ZSCAN5A: variants seen among roughly 807,000 people sequenced by gnomAD.
ZSCAN5A encodes the protein zinc finger and SCAN domain-containing protein 5A.
Under a neutral mutation model 23.7 loss-of-function variants are expected in ZSCAN5A, and 12 were observed. That is an observed-to-expected ratio of 0.51 (90% CI 0.32 to 0.82). The LOEUF (loss-of-function observed/expected upper bound fraction) is 0.82. ZSCAN5A is among the 40% of genes least tolerant of loss of function. The pLI is 0.03. For missense variants in ZSCAN5A, 597 were observed against 617.9 expected, an observed-to-expected ratio of 0.97 and a Z score of 0.36; for synonymous variants, 257 against 239.9, an observed-to-expected ratio of 1.07 and a Z score of -0.66.
At chr19:56,288,747 C>T (rs990440982) in intron 2 of ZSCAN5A, among the ~76,000 whole-genome samples, 5 of 152,174 alleles carry the variant, frequency 3.3e-5, no homozygotes, top group African/African-American at 1.2e-4. Context: ...GCATTTCCAC[C>T]TCTGCTCTCC....
chr19:56,296,589 G>A (rs2039892581), intron 2 of ZSCAN5A, among the ~76,000 whole-genome samples: 1 of 152,066 alleles, frequency 6.6e-6, no homozygotes, highest in South Asian at 2.1e-4. Context: ...AGATGCAGCA[G>A]AGGATAAAAC....
intron 1 of ZSCAN5A, among the ~76,000 whole-genome samples, chr19:56,314,062 T>G (rs768183299): frequency 1.2e-4 from 18 of 152,226 alleles, no homozygotes; most frequent in Non-Finnish European, 1.9e-4. Flanking sequence ...TGAGGGAAGA[T>G]CCTCAATATC....
At chr19:56,328,974 G>A (rs545265383) in intron 2 of ZSCAN5A, among the ~76,000 whole-genome samples, 73 of 143,404 alleles carry the variant, frequency 5.1e-4, no homozygotes, top group African/African-American at 1.8e-3. Context: ...CAGCCTGGGC[G>A]ACAGAGCGAG....
At position 56,302,709 on chromosome 19, in the gene ZSCAN5A, T is replaced by TCC. The variant is rs1361282712; in HGVS notation, c.-128+10573_-128+10574insGG. ...CTTCTCTCTCCTTCCTTCTCTTTCC[T>TCC]TCTTCCCTCCCTCCCACCTCTAGAC... On this transcript the variant is annotated intron_variant, in intron 2 of 5. Coordinates refer to ENST00000683990, the MANE Select transcript of ZSCAN5A (RefSeq NM_001322064.3). The TCC allele has an allele frequency of 8.1e-5, 17 of 210,730 alleles. 1 individual carries two copies. Among genetic ancestry groups the TCC allele is most frequent in the African/African-American group, 2.8e-4 (11 of 39,304 alleles). The allele number at this position is 210,730 out of a possible 1,614,324, so 13.1% of individuals were successfully genotyped here.
chr19:56,284,463 CAG>C (rs1358980353), intron 2 of ZSCAN5A, among the ~76,000 whole-genome samples: 20 of 131,966 alleles, frequency 1.5e-4, no homozygotes, highest in Admixed American at 1.4e-3. Context: ...TGGTGGGAAA[CAG>C]AGATAAGTAA....
intron 2 of ZSCAN5A, among the ~76,000 whole-genome samples, chr19:56,339,997 A>G (rs993729715): frequency 6.6e-6 from 1 of 152,120 alleles, no homozygotes; most frequent in Non-Finnish European, 1.5e-5. Context: ...GTCTGATACT[A>G]CTGTCTTGGG....
chr19:56,321,909 G>T, intron 2 of ZSCAN5A: 1 of 783,734 alleles, frequency 1.3e-6, no homozygotes, highest in Middle Eastern at 2.2e-4. Flanking sequence ...GTTACCATCC[G>T]GTACTGCTCA....
At chr19:56,240,556 T>C (rs2035352832) in intron 2 of ZSCAN5A, among the ~76,000 whole-genome samples, 1 of 152,140 alleles carries the variant, frequency 6.6e-6, no homozygotes, top group African/African-American at 2.4e-5. Flanking sequence ...CCAGAGGCCA[T>C]GTCTGTGGGG....
chr19:56,327,901 G>A (rs567905369), intron 2 of ZSCAN5A, among the ~76,000 whole-genome samples: 2 of 152,120 alleles, frequency 1.3e-5, no homozygotes, highest in Admixed American at 1.3e-4. Flanking sequence ...AAATGAATAT[G>A]TGTAGTATAG....
intron 2 of ZSCAN5A, among the ~76,000 whole-genome samples, chr19:56,330,767 T>A (rs947113968): frequency 6.6e-6 from 1 of 152,198 alleles, no homozygotes; most frequent in Non-Finnish European, 1.5e-5. Flanking sequence ...TTTTCTCCCA[T>A]TCTATAGGTG....
At chr19:56,262,805 T>C (rs927840628) in intron 2 of ZSCAN5A, among the ~76,000 whole-genome samples, 1 of 152,248 alleles carries the variant, frequency 6.6e-6, no homozygotes, top group African/African-American at 2.4e-5. Flanking sequence ...ATCCTTTTTA[T>C]TGCTGTGCAA....
chr19:56,348,348 G>A (rs780676667), intron 2 of ZSCAN5A, among the ~76,000 whole-genome samples: 2 of 149,280 alleles, frequency 1.3e-5, no homozygotes, highest in Non-Finnish European at 2.9e-5. Context: ...GTTGACACAC[G>A]CTTGCAAGCC....
chr19:56,281,683 C>G (rs2038717123), intron 2 of ZSCAN5A: 4 of 985,180 alleles, frequency 4.1e-6, no homozygotes, highest in Non-Finnish European at 3.6e-6. Flanking sequence ...GGCTCTGCTG[C>G]CCCTTCCAGT....
At chr19:56,312,132 T>C (rs750903364) in intron 2 of ZSCAN5A, 1 of 152,222 alleles carries the variant, frequency 6.6e-6, no homozygotes, top group Non-Finnish European at 1.5e-5. Context: ...ATATCCTTCA[T>C]TTTGTATGAA....
rs1367292904 is a variant in ZSCAN5A, at chr19:56,258,112, C to CG, written c.-127-32940_-127-32939insC. On this transcript the variant is annotated intron_variant, in intron 2 of 5. Coordinates refer to ENST00000683990, the MANE Select transcript of ZSCAN5A (RefSeq NM_001322064.3). ...CTGGCTCCTGCCTCCTACCACTGCC[C>CG]ATCTTCTTAGACACAGGTGCTGGGG... Among the ~76,000 whole-genome samples, 4 of 148,908 alleles carry CG rather than the reference C, an allele frequency of 2.7e-5. No homozygotes were observed. In the East Asian group the frequency reaches 7.9e-4, roughly 29 times the overall value.
intron 2 of ZSCAN5A, among the ~76,000 whole-genome samples, chr19:56,301,701 A>G (rs915104599): frequency 2.0e-5 from 3 of 152,112 alleles, no homozygotes; most frequent in Non-Finnish European, 4.4e-5. Context: ...GTTTGGTGAG[A>G]AATCTGGGCA....
At chr19:56,246,987 A>G (rs762725831) in intron 2 of ZSCAN5A, 1 of 1,350,688 alleles carries the variant, frequency 7.4e-7, no homozygotes, top group Admixed American at 1.7e-5. Flanking sequence ...AGATAAATTC[A>G]GTTTATTCCC....
chr19:56,324,203 A>T (rs763473829), intron 2 of ZSCAN5A, among the ~76,000 whole-genome samples: 22 of 152,188 alleles, frequency 1.4e-4, no homozygotes, highest in Non-Finnish European at 2.8e-4. Flanking sequence ...TAGCTCCCAC[A>T]TATGAGTGAG....
chr19:56,319,582 A>T (rs1270806211), upstream of ZSCAN5A, among the ~76,000 whole-genome samples: 1 of 151,588 alleles, frequency 6.6e-6, no homozygotes, highest in Non-Finnish European at 1.5e-5. Context: ...GTTCATTTCC[A>T]AACGAGTCTC....
Sources: allele counts gnomAD v4.1 joint callset (sites outside exome capture counted in the v4.1 genomes callset), GRCh38; gene constraint gnomAD v4.1.1; transcripts MANE v1.5; gene names NCBI Gene and HGNC (gene_info 2026-07-23, HGNC 2026-07-21).